NDUFAF2: variants seen among roughly 807,000 people sequenced by gnomAD.
The protein encoded by NDUFAF2 is NADH:ubiquinone oxidoreductase complex assembly factor 2.
A neutral mutation model predicts 22.8 loss-of-function variants in NDUFAF2; 13 were observed. The observed-to-expected ratio is 0.57, with a 90% CI of 0.37 to 0.91. The LOEUF (loss-of-function observed/expected upper bound fraction) is 0.91, where lower values mean the gene tolerates loss of function less well. Among genes scored for constraint, NDUFAF2 ranks in the 40% least tolerant of loss-of-function variants. The probability of loss-of-function intolerance (pLI) is 0.01; values close to 1 mark genes in which losing one functional copy is unlikely to be tolerated. For missense variants in NDUFAF2, 162 were observed against 195.2 expected, an observed-to-expected ratio of 0.83 and a Z score of 1.01; for synonymous variants, 53 against 64.2, an observed-to-expected ratio of 0.83 and a Z score of 0.84.
intron 1 of NDUFAF2, among the ~76,000 whole-genome samples, chr5:60,983,281 T>C (rs13162688): frequency 2.4e-5 from 1 of 41,254 alleles, no homozygotes; most frequent in African/African-American, 7.2e-5. Flanking sequence ...TTTGAGTTCA[T>C]TGTAGATTGT....
chr5:61,076,490 C>T (rs962446241), intron 2 of NDUFAF2, among the ~76,000 whole-genome samples: 5 of 152,184 alleles, frequency 3.3e-5, no homozygotes, highest in African/African-American at 9.7e-5. Flanking sequence ...AGAGCAAGTA[C>T]AAAAGCCCTG....
chr5:61,021,597 C>A (rs1402799199), intron 1 of NDUFAF2, among the ~76,000 whole-genome samples: 5 of 152,172 alleles, frequency 3.3e-5, no homozygotes, highest in Non-Finnish European at 4.4e-5. Flanking sequence ...TCTGTCTATT[C>A]ACATTATTTA....
intron 1 of NDUFAF2, among the ~76,000 whole-genome samples, chr5:60,982,760 T>A (rs1169260418): frequency 6.6e-6 from 1 of 152,080 alleles, no homozygotes; most frequent in African/African-American, 2.4e-5. Context: ...TAGTATTCCA[T>A]GGTGTATATG....
At chr5:61,093,938 A>T (rs1245556407) in intron 2 of NDUFAF2, among the ~76,000 whole-genome samples, 1 of 151,960 alleles carries the variant, frequency 6.6e-6, no homozygotes, top group African/African-American at 2.4e-5. Flanking sequence ...TCAATTTCAG[A>T]ACTTGTTATT....
At chr5:61,052,410 T>C (rs1245085705) in intron 1 of NDUFAF2, among the ~76,000 whole-genome samples, 3 of 152,258 alleles carry the variant, frequency 2.0e-5, no homozygotes, top group Non-Finnish European at 2.9e-5. Context: ...TCCCGGGTTC[T>C]CGCCATTCTC....
chr5:61,118,303 A>C (rs1338601852), intron 3 of NDUFAF2, among the ~76,000 whole-genome samples: 2 of 152,170 alleles, frequency 1.3e-5, no homozygotes, highest in East Asian at 3.9e-4. Flanking sequence ...AGCATCAATA[A>C]AAATTAGTGA....
chr5:61,031,813 A>T (rs955359813), intron 1 of NDUFAF2, among the ~76,000 whole-genome samples: 1 of 152,156 alleles, frequency 6.6e-6, no homozygotes, highest in African/African-American at 2.4e-5. Flanking sequence ...TGTCTTCCAC[A>T]ATGGTTGAAC....
At chr5:61,112,454 C>T (rs565511507) in intron 3 of NDUFAF2, among the ~76,000 whole-genome samples, 13 of 151,968 alleles carry the variant, frequency 8.6e-5, no homozygotes, top group Middle Eastern at 3.4e-3. Context: ...CCTCGTGATC[C>T]GCCCACTTCA....
chr5:61,107,046 T>TATACACACACACACAC (rs1295236944), intron 3 of NDUFAF2, among the ~76,000 whole-genome samples: 4 of 123,938 alleles, frequency 3.2e-5, no homozygotes, highest in African/African-American at 1.3e-4. Context: ...TGGATAAATA[T>TATACACACACACACAC]ACACACACAC....
At chr5:61,045,707 T>TAAA (rs1751945753) in intron 1 of NDUFAF2, among the ~76,000 whole-genome samples, 1 of 151,756 alleles carries the variant, frequency 6.6e-6, no homozygotes, top group African/African-American at 2.4e-5. Flanking sequence ...ACTTGTTTGT[T>TAAA]CTAACAGTTT....
chr5:60,972,586 C>G (rs962102155), intron 1 of NDUFAF2, among the ~76,000 whole-genome samples: 2 of 152,102 alleles, frequency 1.3e-5, no homozygotes, highest in Non-Finnish European at 2.9e-5. Context: ...TTATAAATTA[C>G]CCAGTCTTGG....
intron 1 of NDUFAF2, among the ~76,000 whole-genome samples, chr5:60,955,506 T>C (rs1338912886): frequency 2.6e-5 from 4 of 152,216 alleles, no homozygotes; most frequent in African/African-American, 7.2e-5. Context: ...GTGTGATGCG[T>C]CCAGATTTGT....
intron 3 of NDUFAF2, among the ~76,000 whole-genome samples, chr5:61,105,655 A>G (rs1752754665): frequency 6.6e-6 from 1 of 150,856 alleles, no homozygotes; most frequent in Non-Finnish European, 1.5e-5. Context: ...GCAGCTACAG[A>G]AGATGTCATA....
intron 2 of NDUFAF2, among the ~76,000 whole-genome samples, chr5:61,080,438 G>A (rs1230336502): frequency 1.3e-5 from 2 of 152,070 alleles, no homozygotes; most frequent in Non-Finnish European, 2.9e-5. Flanking sequence ...AAGATATTTT[G>A]CAATGTGGCT....
chr5:60,965,803 A>T (rs1750751651), intron 1 of NDUFAF2, among the ~76,000 whole-genome samples: 1 of 152,160 alleles, frequency 6.6e-6, no homozygotes, highest in African/African-American at 2.4e-5. Flanking sequence ...TATCTTGATT[A>T]TTCTAAATAA....
At chr5:61,144,253 G>A (rs548258273) in intron 3 of NDUFAF2, among the ~76,000 whole-genome samples, 38 of 152,156 alleles carry the variant, frequency 2.5e-4, no homozygotes, top group African/African-American at 8.7e-4. Flanking sequence ...ATTCTCAGTT[G>A]ACTAGGTTTG....
At chr5:61,078,265 C>A (rs1390054479) in intron 2 of NDUFAF2, among the ~76,000 whole-genome samples, 1 of 85,774 alleles carries the variant, frequency 1.2e-5, no homozygotes, top group East Asian at 1.9e-3. Context: ...GGGCCTAGCT[C>A]AATAGTTAAG....
intron 2 of NDUFAF2, among the ~76,000 whole-genome samples, chr5:61,076,037 A>T (rs1752364072): frequency 6.6e-6 from 1 of 152,078 alleles, no homozygotes; most frequent in Admixed American, 6.5e-5. Flanking sequence ...TAAAGCAGGG[A>T]AAGGGCATAG....
At chr5:61,040,500 C>T (rs1234139097) in intron 1 of NDUFAF2, among the ~76,000 whole-genome samples, 1 of 152,068 alleles carries the variant, frequency 6.6e-6, no homozygotes, top group Non-Finnish European at 1.5e-5. Context: ...TTTGTTATGG[C>T]AGCCCTAGGA....
Sources: allele counts gnomAD v4.1 joint callset (sites outside exome capture counted in the v4.1 genomes callset), GRCh38; gene constraint gnomAD v4.1.1; transcripts MANE v1.5; gene names NCBI Gene and HGNC (gene_info 2026-07-23, HGNC 2026-07-21).